Variants in GFRA1 observed in about 807,000 individuals in gnomAD.
GFRA1 encodes GDNF family receptor alpha-1.
A neutral mutation model predicts 51.6 loss-of-function variants in GFRA1; 16 were observed. The observed-to-expected ratio is 0.31, with a 90% CI of 0.21 to 0.47. The LOEUF (loss-of-function observed/expected upper bound fraction) is 0.47, where lower values mean the gene tolerates loss of function less well. GFRA1 is among the 20% of genes least tolerant of loss of function. The probability of loss-of-function intolerance (pLI) is 1.00; values close to 1 mark genes in which losing one functional copy is unlikely to be tolerated. For synonymous variants in GFRA1, 270 were observed against 241.3 expected (o/e 1.12, Z -1.10); for missense variants, 530 against 594.3 (o/e 0.89, Z 1.13).
chr10:116,134,907 AG>A (rs879944776), intron 5 of GFRA1, among the ~76,000 whole-genome samples: 15 of 152,176 alleles, frequency 9.9e-5, no homozygotes, highest in Non-Finnish European at 1.8e-4. Flanking sequence ...GTGGTGTGCA[AG>A]TCACATGCTT....
chr10:116,208,684 G>T (rs1964967229), intron 5 of GFRA1, among the ~76,000 whole-genome samples: 1 of 151,928 alleles, frequency 6.6e-6, no homozygotes, highest in Admixed American at 6.6e-5. Context: ...GAGTGGTATT[G>T]TTGTGATTTC....
chr10:116,059,909 C>A lies in GFRA1; in HGVS notation c.*4489G>T, dbSNP rs1403702600. Reference sequence around the variant, plus strand: ...CTGTCTTAAAATATATCTGTTGGAACAAAAATTAATTTGGGTCAAACTAAA... The same window carrying A: ...CTGTCTTAAAATATATCTGTTGGAAAAAAAATTAATTTGGGTCAAACTAAA... On this transcript the variant is annotated 3_prime_UTR_variant, in exon 11 of 11. Coordinates refer to ENST00000355422, the MANE Select transcript of GFRA1 (RefSeq NM_005264.8). The A allele has an allele frequency of 2.0e-5, 3 of 152,238 alleles. No individual in the cohort carries two copies. In the East Asian group the frequency reaches 5.8e-4, roughly 29 times the overall value. 9.4% of individuals were successfully genotyped at this position (152,238 alleles called of 1,614,324 possible). A position where few individuals can be genotyped will look rare whatever the true frequency, so the allele number is the denominator to read the frequency against.
chr10:116,176,191 G>A, intron 5 of GFRA1, among the ~76,000 whole-genome samples: 1 of 152,194 alleles, frequency 6.6e-6, no homozygotes, highest in East Asian at 1.9e-4. Context: ...AGCCTACTAC[G>A]TGTCGGCGCT....
At position 116,060,321 on chromosome 10, in the gene GFRA1, T is replaced by C. The variant is rs949432346; in HGVS notation, c.*4077A>G. The stretch of plus-strand genomic sequence containing the variant: ...AACCAAATCCCCACTTGTTTTATTT[T>C]AGAATTTCTAATAAGAAATTCCTTC... On this transcript the variant is annotated 3_prime_UTR_variant, in exon 11 of 11. Coordinates refer to ENST00000355422, the MANE Select transcript of GFRA1 (RefSeq NM_005264.8). 6.6e-6 allele frequency: 1 copy of C among 152,220 alleles called. No individual in the cohort carries two copies. Among genetic ancestry groups the C allele is most frequent in the Non-Finnish European group, 1.5e-5 (1 of 68,040 alleles). 9.4% of individuals were successfully genotyped at this position (152,220 alleles called of 1,614,324 possible).
intron 5 of GFRA1, among the ~76,000 whole-genome samples, chr10:116,176,631 T>C (rs949490242): frequency 6.6e-6 from 1 of 152,038 alleles, no homozygotes; most frequent in Non-Finnish European, 1.5e-5. Flanking sequence ...ACCATGTAAA[T>C]ATCTTTTCTT....
At chr10:116,132,705 G>T (rs1958153221) in intron 5 of GFRA1, among the ~76,000 whole-genome samples, 1 of 152,154 alleles carries the variant, frequency 6.6e-6, no homozygotes, top group Admixed American at 6.5e-5. Flanking sequence ...AATTAGGGTT[G>T]AGTTTTCACC....
At chr10:116,243,942 T>C (rs1321668624) in intron 4 of GFRA1, among the ~76,000 whole-genome samples, 1 of 152,182 alleles carries the variant, frequency 6.6e-6, no homozygotes, top group Non-Finnish European at 1.5e-5. Context: ...GTCCCAAAGA[T>C]ATTCCTCCAT....
At chr10:116,166,301 T>A (rs529643357) in intron 5 of GFRA1, among the ~76,000 whole-genome samples, 1 of 152,236 alleles carries the variant, frequency 6.6e-6, no homozygotes, top group South Asian at 2.1e-4. Context: ...TATATTCCTT[T>A]GGGTACATAC....
chr10:116,074,240 T>C (rs903768054), intron 9 of GFRA1, among the ~76,000 whole-genome samples: 12 of 152,270 alleles, frequency 7.9e-5, no homozygotes, highest in Non-Finnish European at 1.6e-4. Context: ...GCGCTGAGAT[T>C]TGAACCCAGT....
chr10:116,220,573 G>C (rs867696106), intron 4 of GFRA1, among the ~76,000 whole-genome samples: 1 of 152,160 alleles, frequency 6.6e-6, no homozygotes, highest in Non-Finnish European at 1.5e-5. Context: ...ATAACCATCA[G>C]GACAGCTCCC....
intron 5 of GFRA1, among the ~76,000 whole-genome samples, chr10:116,130,502 A>G (rs1175329021): frequency 6.6e-6 from 1 of 152,070 alleles, no homozygotes; most frequent in Non-Finnish European, 1.5e-5. Flanking sequence ...AACCTTTCTC[A>G]AGGTTTACTA....
intron 5 of GFRA1, among the ~76,000 whole-genome samples, chr10:116,190,090 A>G (rs1339623432): frequency 2.6e-5 from 4 of 152,248 alleles, no homozygotes; most frequent in Non-Finnish European, 2.9e-5. Context: ...CCAAGCCTGC[A>G]GCCAACATGG....
chr10:116,096,875 GCA>G, intron 6 of GFRA1, 111 bp from the exon 7 acceptor site: 6 of 473,646 alleles, frequency 1.3e-5, no homozygotes, highest in Middle Eastern at 3.0e-4. Context: ...TTCTGCACAC[GCA>G]CACGCACACA....
At position 116,213,923 on chromosome 10, in the gene GFRA1, G is replaced by A. The variant is rs544843876; in HGVS notation, c.419-2278C>T. On this transcript the variant is annotated intron_variant, in intron 4 of 10. Transcript: ENST00000355422. ...CTTTTACACTCAGCAAAGCCAACTG[G>A]GATGTAAATGGGTCCTATCAGTCCC... is the stretch of plus-strand genomic sequence containing the variant. Among the ~76,000 whole-genome samples the A allele has an allele frequency of 1.4e-3, 208 of 152,200 alleles. 1 individual carries two copies. Among genetic ancestry groups the A allele is most frequent in the African/African-American group, 4.9e-3 (203 of 41,518 alleles).
chr10:116,181,075 A>G (rs891933190), intron 5 of GFRA1, among the ~76,000 whole-genome samples: 4 of 152,224 alleles, frequency 2.6e-5, no homozygotes, highest in East Asian at 1.9e-4. Flanking sequence ...GATGACAATA[A>G]TGAGCTTAAA....
rs1015648634 is a variant in GFRA1 at position 116,250,828 on chromosome 10, C to G, written c.418+18675G>C. Among the ~76,000 whole-genome samples, 7 of 152,318 alleles carry G rather than the reference C, an allele frequency of 4.6e-5. No homozygotes were observed. The South Asian group carries it at 1.5e-3, about 32-fold the overall frequency. ...GTGGCCTGGTCCCATTGCTAGCCCC[C>G]TGCACAGGGCAGCGGAAGGAGATAA... On this transcript the variant is annotated intron_variant, in intron 4 of 10. Coordinates refer to ENST00000355422, the MANE Select transcript of GFRA1 (RefSeq NM_005264.8).
At chr10:116,087,582 AAAG>A (rs955596414) in intron 9 of GFRA1, among the ~76,000 whole-genome samples, 23 of 152,276 alleles carry the variant, frequency 1.5e-4, no homozygotes, top group African/African-American at 5.5e-4. Flanking sequence ...CACGTGCAGA[AAAG>A]AAGCTGGTTT....
chr10:116,253,101 T>C (rs1968524262), intron 4 of GFRA1, among the ~76,000 whole-genome samples: 1 of 152,244 alleles, frequency 6.6e-6, no homozygotes, highest in African/African-American at 2.4e-5. Context: ...AGCACGCAGC[T>C]GGATGGACCT....
At chr10:116,151,963 G>C (rs1489587184) in intron 5 of GFRA1, among the ~76,000 whole-genome samples, 1 of 152,188 alleles carries the variant, frequency 6.6e-6, no homozygotes, top group Non-Finnish European at 1.5e-5. Context: ...GAGGTGACTT[G>C]AGAGGTGGAG....
Sources: allele counts gnomAD v4.1 joint callset (sites outside exome capture counted in the v4.1 genomes callset), GRCh38; gene constraint gnomAD v4.1.1; transcripts MANE v1.5; gene names NCBI Gene and HGNC (gene_info 2026-07-23, HGNC 2026-07-21).